Variants in DYRK1A observed in about 807,000 individuals in gnomAD.
DYRK1A encodes the protein dual specificity tyrosine phosphorylation regulated kinase 1A.
A neutral mutation model predicts 79.7 loss-of-function variants in DYRK1A; 9 were observed. That is an observed-to-expected ratio of 0.11 (90% CI 0.07 to 0.20). The LOEUF (loss-of-function observed/expected upper bound fraction) is 0.20. Ranked by LOEUF, DYRK1A falls within the 10% of genes least tolerant of loss-of-function variation. The pLI is 1.00. For synonymous variants in DYRK1A, 349 were observed against 329.7 expected (o/e 1.06, Z -0.63); for missense variants, 622 against 956.0 (o/e 0.65, Z 4.61).
At position 37,523,831 on chromosome 21, in the gene DYRK1A, A is replaced by G. The variant is rs564235253; in HGVS notation, c.*11300A>G. ...AACCACATTCATTTGCAAGTTGTCC[A>G]CGGCCACTTTGGTGCTACTGTGGCA... On this transcript the variant is annotated 3_prime_UTR_variant, in exon 12 of 12. Coordinates refer to ENST00000647188, the MANE Select transcript of DYRK1A (RefSeq NM_001347721.2). The G allele has an allele frequency of 1.4e-4, 22 of 152,328 alleles. No homozygotes were observed. Among genetic ancestry groups the G allele is most frequent in the Admixed American group, 1.4e-3 (21 of 15,302 alleles). The allele number at this position is 152,328 out of a possible 1,614,324, so 9.4% of individuals were successfully genotyped here. A position where few individuals can be genotyped will look rare whatever the true frequency, so the allele number is the denominator to read the frequency against.
At chr21:37,395,169 TTG>T (rs1332385012) in intron 1 of DYRK1A, among the ~76,000 whole-genome samples, 2 of 152,224 alleles carry the variant, frequency 1.3e-5, no homozygotes, top group African/African-American at 4.8e-5. Context: ...CAGAAACATT[TTG>T]GCTCATGGGC....
intron 4 of DYRK1A, among the ~76,000 whole-genome samples, chr21:37,479,178 A>G (rs949898788): frequency 4.6e-5 from 7 of 151,386 alleles, no homozygotes; most frequent in African/African-American, 1.7e-4. Flanking sequence ...ATGTTATTTA[A>G]TGACAGTATT....
chr21:37,484,755 C>A (rs1041816734), intron 5 of DYRK1A, among the ~76,000 whole-genome samples: 3 of 152,138 alleles, frequency 2.0e-5, no homozygotes, highest in Non-Finnish European at 4.4e-5. Flanking sequence ...TTTCTTCTCC[C>A]CTTCACCTTA....
At chr21:37,484,588 C>G (rs2052785242) in intron 5 of DYRK1A, among the ~76,000 whole-genome samples, 1 of 152,122 alleles carries the variant, frequency 6.6e-6, no homozygotes, top group Admixed American at 6.5e-5. Flanking sequence ...CTTGGCCTCC[C>G]AAATCATGCT....
intron 1 of DYRK1A, among the ~76,000 whole-genome samples, chr21:37,374,008 A>C (rs1312405430): frequency 6.6e-6 from 1 of 152,234 alleles, no homozygotes; most frequent in East Asian, 1.9e-4. Flanking sequence ...ACCGTTATGC[A>C]AAATATAAGT....
intron 1 of DYRK1A, among the ~76,000 whole-genome samples, chr21:37,370,758 T>C (rs2049413139): frequency 6.6e-6 from 1 of 152,214 alleles, no homozygotes; most frequent in African/African-American, 2.4e-5. Context: ...AATCTTTACT[T>C]TCTGTTGAGT....
At chr21:37,433,242 C>A (rs1274685831) in intron 2 of DYRK1A, among the ~76,000 whole-genome samples, 3 of 152,130 alleles carry the variant, frequency 2.0e-5, no homozygotes, top group Admixed American at 2.0e-4. Context: ...GAGCATCTGT[C>A]ACTAGGCAGA....
intron 1 of DYRK1A, among the ~76,000 whole-genome samples, chr21:37,416,383 T>C (rs1376207142): frequency 6.7e-6 from 1 of 149,258 alleles, no homozygotes; most frequent in East Asian, 2.0e-4. Context: ...GTGATAAATG[T>C]TCTGGGTTTT....
chr21:37,461,876 T>A (rs1018811947), intron 2 of DYRK1A, among the ~76,000 whole-genome samples: 9 of 148,970 alleles, frequency 6.0e-5, no homozygotes, highest in Non-Finnish European at 8.9e-5. Context: ...TTTTTTTTTT[T>A]AAACTTGTTT....
intron 3 of DYRK1A, among the ~76,000 whole-genome samples, chr21:37,477,332 G>C (rs2052435511): frequency 6.6e-6 from 1 of 152,138 alleles, no homozygotes; most frequent in Admixed American, 6.5e-5. Context: ...GGAAATAATT[G>C]GTTTTGAGGA....
intron 9 of DYRK1A, chr21:37,503,489 A>G (rs1002992989): frequency 1.3e-5 from 2 of 152,158 alleles, no homozygotes; most frequent in African/African-American, 2.4e-5. Flanking sequence ...TGGTGTGATC[A>G]TGGCTGATTA....
chr21:37,407,948 C>T lies in DYRK1A; in HGVS notation c.-76-12351C>T, dbSNP rs571708603. Among the ~76,000 whole-genome samples, 34 of 152,186 alleles carry T rather than the reference C, an allele frequency of 2.2e-4. No homozygotes were observed. In the South Asian group the frequency reaches 5.6e-3, roughly 25 times the overall value. On this transcript the variant is annotated intron_variant, in intron 1 of 11. Coordinates refer to ENST00000647188, the MANE Select transcript of DYRK1A (RefSeq NM_001347721.2). Reference sequence around the variant, plus strand: ...TGACATCTGAAAGGGAGTTTTACCCCGGCTCCCTGAAGTTTCACATTACAG... The same window carrying T: ...TGACATCTGAAAGGGAGTTTTACCCTGGCTCCCTGAAGTTTCACATTACAG...
intron 3 of DYRK1A, among the ~76,000 whole-genome samples, chr21:37,476,049 C>T (rs149876924): frequency 3.3e-5 from 5 of 152,242 alleles, no homozygotes; most frequent in Middle Eastern, 6.8e-3. Flanking sequence ...AGACTAGAGG[C>T]GTAACATTGA....
At chr21:37,399,927 A>G (rs1043466222) in intron 1 of DYRK1A, among the ~76,000 whole-genome samples, 1 of 152,214 alleles carries the variant, frequency 6.6e-6, no homozygotes, top group Non-Finnish European at 1.5e-5. Context: ...ACCTACTTGT[A>G]TTAGTTCCCT....
At chr21:37,462,845 A>G (rs1295564170) in intron 2 of DYRK1A, among the ~76,000 whole-genome samples, 2 of 152,234 alleles carry the variant, frequency 1.3e-5, no homozygotes, top group South Asian at 4.1e-4. Flanking sequence ...TTCAGTCATC[A>G]CGATTCTGCA....
chr21:37,412,411 G>T (rs536514313), intron 1 of DYRK1A, among the ~76,000 whole-genome samples: 1 of 152,152 alleles, frequency 6.6e-6, no homozygotes, highest in Non-Finnish European at 1.5e-5. Context: ...CCCAAACTTC[G>T]CTGGGTCCAG....
intron 1 of DYRK1A, among the ~76,000 whole-genome samples, chr21:37,383,217 T>G (rs2049694169): frequency 6.6e-6 from 1 of 152,232 alleles, no homozygotes; most frequent in Non-Finnish European, 1.5e-5. Flanking sequence ...TAGCAGCTTA[T>G]CTTTTCCATA....
At chr21:37,465,393 G>GA (rs748861224) in intron 2 of DYRK1A, among the ~76,000 whole-genome samples, 63 of 151,770 alleles carry the variant, frequency 4.2e-4, no homozygotes, top group Middle Eastern at 3.4e-3. Flanking sequence ...ATCTATTGGG[G>GA]AAAAAAAACC....
chr21:37,463,438 T>TTC (rs2051919792), intron 2 of DYRK1A, among the ~76,000 whole-genome samples: 5 of 152,096 alleles, frequency 3.3e-5, no homozygotes, highest in Admixed American at 3.3e-4. Flanking sequence ...TAAAAATGAG[T>TTC]AAGAGCAGTT....
Sources: gnomAD v4.1 joint callset for allele counts (sites outside exome capture counted in the v4.1 genomes callset) on GRCh38, gnomAD v4.1.1 for gene constraint, MANE v1.5 for transcripts, NCBI Gene and HGNC (gene_info 2026-07-23, HGNC 2026-07-21) for gene names.